The following QNG1 variants were observed in gnomAD, a reference collection of about 807,000 sequenced individuals.
The protein encoded by QNG1 is queuosine 5'-phosphate N-glycosylase/hydrolase.
At chr9:83,943,890 G>T in the QNG1 span, among the ~76,000 whole-genome samples, 1 of 151,978 alleles carries the variant, frequency 6.6e-6, no homozygotes, top group Non-Finnish European at 1.5e-5. Flanking sequence ...GTGTGGTGGC[G>T]GGCGCCTGTA....
the QNG1 span, chr9:83,956,805 G>C: frequency 5.0e-5 from 16 of 318,626 alleles, no homozygotes; most frequent in South Asian, 1.3e-3. Context: ...CGGTTCCAAA[G>C]GTCTGGAAAC....
At chr9:83,943,024 C>A in the QNG1 span, among the ~76,000 whole-genome samples, 4 of 152,008 alleles carry the variant, frequency 2.6e-5, no homozygotes, top group Non-Finnish European at 4.4e-5. Context: ...TTGAGTGAAG[C>A]CTCTGTGATG....
the QNG1 span, among the ~76,000 whole-genome samples, chr9:83,949,251 TA>T: frequency 1.3e-5 from 2 of 152,236 alleles, no homozygotes; most frequent in Non-Finnish European, 2.9e-5. Flanking sequence ...CCTATATTCC[TA>T]AACCTATCTA....
At chr9:83,950,528 C>T in the QNG1 span, among the ~76,000 whole-genome samples, 4 of 151,518 alleles carry the variant, frequency 2.6e-5, no homozygotes, top group Non-Finnish European at 4.4e-5. Context: ...TTTTCTAAAT[C>T]GTACCTTTAT....
chr9:83,943,742 G>T, the QNG1 span, among the ~76,000 whole-genome samples: 7 of 152,040 alleles, frequency 4.6e-5, no homozygotes, highest in Non-Finnish European at 7.4e-5. Flanking sequence ...AATACATAAG[G>T]CCGGGGTGGT....
the QNG1 span, among the ~76,000 whole-genome samples, chr9:83,948,628 C>T: frequency 0.19 from 29,624 of 152,046 alleles, 3,591 homozygotes; most frequent in Middle Eastern, 0.3. Context: ...GCCATGATGA[C>T]GATGGCGGTT....
the QNG1 span, chr9:83,955,556 G>C: frequency 3.7e-5 from 59 of 1,614,074 alleles, no homozygotes; most frequent in Non-Finnish European, 4.9e-5. Flanking sequence ...TAAAGGCATG[G>C]AAACGTCTGT....
the QNG1 span, chr9:83,956,454 T>C: frequency 4.5e-6 from 7 of 1,539,416 alleles, no homozygotes; most frequent in Non-Finnish European, 6.1e-6. Context: ...CCGACTGTTT[T>C]CTGCAATGAA....
At chr9:83,948,211 T>C in the QNG1 span, among the ~76,000 whole-genome samples, 13 of 149,570 alleles carry the variant, frequency 8.7e-5, no homozygotes, top group East Asian at 1.4e-3. Flanking sequence ...CGCCACCCCG[T>C]CTGGGAGGTG....
At chr9:83,944,798 G>A in the QNG1 span, 2,136 of 1,610,248 alleles carry the variant, frequency 1.3e-3, 29 homozygotes, top group African/African-American at 0.025. Flanking sequence ...GCAAACCTTT[G>A]AGAAGCTTCT....
chr9:83,944,336 C>T, the QNG1 span, among the ~76,000 whole-genome samples: 56 of 152,234 alleles, frequency 3.7e-4, no homozygotes, highest in East Asian at 6.2e-3. Context: ...ATAATCATAT[C>T]CAATAATGGC....
At chr9:83,956,102 C>A in the QNG1 span, 1 of 1,557,666 alleles carries the variant, frequency 6.4e-7, no homozygotes, top group East Asian at 2.2e-5. Context: ...CTCCCCTACA[C>A]ACACCCCAAG....
chr9:83,948,516 G>A, the QNG1 span, among the ~76,000 whole-genome samples: 1 of 150,956 alleles, frequency 6.6e-6, no homozygotes, highest in East Asian at 2.0e-4. Flanking sequence ...TCCGGGAGGG[G>A]GGGGGCGCCT....
At chr9:83,956,607 A>G in the QNG1 span, 1 of 922,986 alleles carries the variant, frequency 1.1e-6, no homozygotes, top group South Asian at 1.8e-5. Context: ...GGCCTAAACA[A>G]GGTCCCGCCC....
chr9:83,953,838 A>C, the QNG1 span: 5 of 1,543,070 alleles, frequency 3.2e-6, no homozygotes, highest in Non-Finnish European at 3.5e-6. Context: ...CATTTGTTCA[A>C]GTACACTGTG....
chr9:83,953,032 G>C, the QNG1 span, among the ~76,000 whole-genome samples: 1 of 151,156 alleles, frequency 6.6e-6, no homozygotes, highest in African/African-American at 2.4e-5. Context: ...ACTTTGGGAA[G>C]CTGAGGTAGG....
At chr9:83,940,716 G>C in the QNG1 span, among the ~76,000 whole-genome samples, 2 of 152,146 alleles carry the variant, frequency 1.3e-5, no homozygotes, top group African/African-American at 4.8e-5. Context: ...ATTAAAAATT[G>C]CTAGGCCATT....
the QNG1 span, chr9:83,939,489 T>C: frequency 6.6e-7 from 1 of 1,523,242 alleles, no homozygotes. Context: ...GGGGTTTTCT[T>C]TGGATCAGTT....
chr9:83,946,249 G>A, the QNG1 span, among the ~76,000 whole-genome samples: 1 of 151,886 alleles, frequency 6.6e-6, no homozygotes, highest in Non-Finnish European at 1.5e-5. Flanking sequence ...AGGTTGCAGT[G>A]AGCCGAGATC....
Sources: allele counts gnomAD v4.1 joint callset (sites outside exome capture counted in the v4.1 genomes callset), GRCh38; gene constraint gnomAD v4.1.1; transcripts MANE v1.5; gene names NCBI Gene and HGNC (gene_info 2026-07-23, HGNC 2026-07-21).